The following RNF212B variants were observed in gnomAD, a reference collection of about 807,000 sequenced individuals.
RNF212B encodes ring finger protein 212B, also known as E3 ubiquitin-protein ligase RNF212B.
A neutral mutation model predicts 55.5 loss-of-function variants in RNF212B; 52 were observed. The ratio of observed to expected loss-of-function variants is 0.94; its 90% confidence interval spans 0.75 to 1.18. The LOEUF (loss-of-function observed/expected upper bound fraction) is 1.18. RNF212B is among the 50% of genes most tolerant of loss of function. RNF212B has a pLI of 0.00. For synonymous variants in RNF212B, 99 were observed against 121.4 expected (o/e 0.82, Z 1.21); for missense variants, 289 against 350.4 (o/e 0.82, Z 1.40).
chr14:23,263,885 C>T lies in RNF212B; in HGVS notation c.525-289C>T, dbSNP rs914849787. Among the ~76,000 whole-genome samples the T allele has an allele frequency of 5.3e-5, 8 of 152,012 alleles. No individual in the cohort carries two copies. In the East Asian group the frequency reaches 1.4e-3, roughly 26 times the overall value. ...AGTGGATCATTTGAGGTCAGGAGTT[C>T]GAGACCAGTGTGGCCAACATGGTGA... On this transcript the variant is annotated intron_variant, in intron 9 of 14. Transcript: ENST00000430154.
intron 14 of RNF212B, among the ~76,000 whole-genome samples, chr14:23,271,910 T>A (rs1354498179): frequency 6.6e-6 from 1 of 152,218 alleles, no homozygotes; most frequent in Non-Finnish European, 1.5e-5. Flanking sequence ...TTTGGTATGA[T>A]GATATCGTAG....
At chr14:23,260,543 C>G in intron 6 of RNF212B, 116 bp from the exon 7 acceptor site, 2 of 921,896 alleles carry the variant, frequency 2.2e-6, no homozygotes, top group Non-Finnish European at 3.4e-6. Context: ...TACTGGGAGT[C>G]TTAGCAACCA....
upstream of RNF212B, among the ~76,000 whole-genome samples, chr14:23,234,075 CCATGT>C (rs1237628863): frequency 6.6e-6 from 1 of 152,094 alleles, no homozygotes; most frequent in East Asian, 1.9e-4. Context: ...TGCACTCCAG[CCATGT>C]ATACCATGTG....
chr14:23,216,254 AAAAAC>A (rs912567103), intron 2 of RNF212B, among the ~76,000 whole-genome samples: 16 of 152,146 alleles, frequency 1.1e-4, no homozygotes, highest in African/African-American at 1.4e-4. Context: ...TCAAAAAAAC[AAAAAC>A]AAAACAAAAC....
chr14:23,207,256 G>A (rs1294267182), intron 2 of RNF212B, among the ~76,000 whole-genome samples: 1 of 152,146 alleles, frequency 6.6e-6, no homozygotes. Flanking sequence ...TCATTTAAAA[G>A]GAATTGGCAA....
At chr14:23,198,066 T>C (rs186760955) in intron 2 of RNF212B, among the ~76,000 whole-genome samples, 1 of 152,338 alleles carries the variant, frequency 6.6e-6, no homozygotes, top group East Asian at 1.9e-4. Flanking sequence ...TTTTTACTTC[T>C]TTTGTGGATC....
Position 23,259,899 on chromosome 14 carries a change from A to G in RNF212B, c.360A>G (p.Leu120=). 1 of 1,520,540 alleles carries G rather than the reference A, an allele frequency of 6.6e-7. No individual in the cohort carries two copies. Among genetic ancestry groups the G allele is most frequent in the Non-Finnish European group, 8.8e-7 (1 of 1,131,304 alleles). 94.2% of individuals were successfully genotyped at this position (1,520,540 alleles called of 1,614,324 possible). Residue 120 remains leucine (L), a synonymous_variant, in exon 6 of 15, where the codon TTA becomes TTG. Transcript: ENST00000430154. ...LVSQDKELSV[L]RKENGELKKF... is the part of the protein sequence containing the mutation. ...TTTTGCCTAGAGAATTGTCAGTCTT[A>G]AGGAAGGAGAATGGAGAACTGAAGA...
At chr14:23,210,787 A>AAAAAAAAAAG (rs1230863382) in intron 2 of RNF212B, among the ~76,000 whole-genome samples, 1 of 150,836 alleles carries the variant, frequency 6.6e-6, no homozygotes, top group South Asian at 2.1e-4. Flanking sequence ...AAAAAAAAAA[A>AAAAAAAAAAG]AAAAAAAAGA....
chr14:23,241,837 A>C (rs1300917759), intron 2 of RNF212B, among the ~76,000 whole-genome samples: 1 of 151,724 alleles, frequency 6.6e-6, no homozygotes, highest in Non-Finnish European at 1.5e-5. Flanking sequence ...TAATCCCAGC[A>C]CTTTGGGAGG....
chr14:23,256,561 G>A (rs911042161), intron 4 of RNF212B, among the ~76,000 whole-genome samples: 7 of 151,912 alleles, frequency 4.6e-5, no homozygotes, highest in Admixed American at 1.3e-4. Context: ...TAATAGAGAC[G>A]GGGTTTTGCC....
rs950650817 is a variant in RNF212B at position 23,245,472 on chromosome 14, T to A, written c.228+1076T>A. Among the ~76,000 whole-genome samples the A allele has an allele frequency of 3.3e-5, 5 of 152,302 alleles. No individual in the cohort carries two copies. In the South Asian group the frequency reaches 1.0e-3, roughly 32 times the overall value. On this transcript the variant is annotated intron_variant, in intron 4 of 14. Coordinates refer to ENST00000430154, the MANE Select transcript of RNF212B (RefSeq NM_001282322.3). ...GTTAATGATCAGTAGAGAAATCATATGTAGTCTGAATCCTAACCTGCCTGA... is the reference window on the plus strand; with the variant it reads ...GTTAATGATCAGTAGAGAAATCATAAGTAGTCTGAATCCTAACCTGCCTGA...
chr14:23,234,029 A>G (rs1736895380), upstream of RNF212B, among the ~76,000 whole-genome samples: 1 of 152,166 alleles, frequency 6.6e-6, no homozygotes, highest in African/African-American at 2.4e-5. Flanking sequence ...CCTGGGAGGC[A>G]GAGGTTGCAG....
rs143313842 is a variant in RNF212B at position 23,195,399 on chromosome 14, C to T, written c.-2+1998C>T. On this transcript the variant is annotated intron_variant, in intron 2 of 15. Transcript: ENST00000399910. ...CAGAGGAACCAAATGGAATTATAAG[C>T]GCTTGACTCGTAGCCCATCTTCACC... Among the ~76,000 whole-genome samples the T allele has an allele frequency of 2.6e-3, 394 of 152,230 alleles. 2 individuals carry two copies. Among genetic ancestry groups the T allele is most frequent in the Middle Eastern group, 0.01 (3 of 294 alleles).
At chr14:23,196,066 C>A (rs1486755861) in intron 2 of RNF212B, among the ~76,000 whole-genome samples, 1 of 152,206 alleles carries the variant, frequency 6.6e-6, no homozygotes, top group Non-Finnish European at 1.5e-5. Context: ...ATGCTTACTA[C>A]CACTTGGTCA....
intron 2 of RNF212B, among the ~76,000 whole-genome samples, chr14:23,240,736 A>G (rs1332134863): frequency 1.3e-5 from 2 of 152,216 alleles, no homozygotes; most frequent in East Asian, 1.9e-4. Context: ...TCTTCAGGGA[A>G]AAGAGATAGA....
Position 23,204,939 on chromosome 14 carries a change from T to G in RNF212B, c.-2+11538T>G, listed in dbSNP as rs1317011778. 2.0e-5 allele frequency among the ~76,000 whole-genome samples: 3 copies of G among 152,136 alleles called. No homozygotes were observed. In the East Asian group the frequency reaches 5.8e-4, roughly 29 times the overall value. On this transcript the variant is annotated intron_variant, in intron 2 of 15. Coordinates refer to the RNF212B transcript ENST00000399910. ...TTCCTTGTAGAGGTCAACAAGGACT[T>G]TAAAAGCACGTATAGAAAGATACAT...
chr14:23,207,795 A>G (rs187553987), intron 2 of RNF212B, among the ~76,000 whole-genome samples: 34 of 152,344 alleles, frequency 2.2e-4, no homozygotes, highest in Non-Finnish European at 3.4e-4. Flanking sequence ...CATGTGCCCA[A>G]GGTGGTCGGG....
At chr14:23,257,036 C>T (rs1884886962) in intron 4 of RNF212B, among the ~76,000 whole-genome samples, 1 of 151,972 alleles carries the variant, frequency 6.6e-6, no homozygotes, top group African/African-American at 2.4e-5. Flanking sequence ...GCCTGTAATC[C>T]CAGCTACTCA....
At chr14:23,262,793 A>G in intron 8 of RNF212B, 82 bp downstream of exon 8, 9 of 1,452,330 alleles carry the variant, frequency 6.2e-6, no homozygotes, top group Non-Finnish European at 8.5e-6. Context: ...CTCAGAGACA[A>G]TAATGTGATC....
Sources: gnomAD v4.1 joint callset for allele counts (sites outside exome capture counted in the v4.1 genomes callset) on GRCh38, gnomAD v4.1.1 for gene constraint, MANE v1.5 for transcripts, NCBI Gene and HGNC (gene_info 2026-07-23, HGNC 2026-07-21) for gene names.